The following MAST2 variants were observed in gnomAD, a reference collection of about 807,000 sequenced individuals.
MAST2 encodes microtubule associated serine/threonine kinase 2, also known as microtubule-associated serine/threonine-protein kinase 2.
A neutral mutation model predicts 147.4 loss-of-function variants in MAST2; 70 were observed. The observed-to-expected ratio is 0.47, with a 90% CI of 0.39 to 0.58. MAST2 has a LOEUF of 0.58. Ranked by LOEUF, MAST2 falls within the 20% of genes least tolerant of loss-of-function variation. MAST2 has a pLI of 0.00. For missense variants in MAST2, 2,080 were observed against 2,302.3 expected, an observed-to-expected ratio of 0.90 and a Z score of 1.98; for synonymous variants, 869 against 896.8, an observed-to-expected ratio of 0.97 and a Z score of 0.55.
At chr1:45,997,147 C>T (rs1571134189) in intron 5 of MAST2, among the ~76,000 whole-genome samples, 1 of 152,160 alleles carries the variant, frequency 6.6e-6, no homozygotes, top group African/African-American at 2.4e-5. Context: ...ACAGGGAACA[C>T]GTGAATACTA....
Position 45,803,678 on chromosome 1 carries a change from C to CG in MAST2, c.-217dup, listed in dbSNP as rs1408475462. ...GTGTGCTGGGTGGGAGAAGGCGAGGCGTCAGCGATGCTGTCTCTTCCGTGA... is the reference window on the plus strand; with the variant it reads ...GTGTGCTGGGTGGGAGAAGGCGAGGCGGTCAGCGATGCTGTCTCTTCCGTGA... On this transcript the variant is annotated 5_prime_UTR_variant, in exon 1 of 29. Transcript: ENST00000361297. The CG allele has an allele frequency of 3.1e-6, 1 of 322,522 alleles. No homozygotes were observed. Among genetic ancestry groups the CG allele is most frequent in the African/African-American group, 2.2e-5 (1 of 44,896 alleles). 20.0% of individuals were successfully genotyped at this position (322,522 alleles called of 1,614,324 possible).
chr1:45,835,992 T>C (rs2147865703), intron 3 of MAST2, among the ~76,000 whole-genome samples: 1 of 152,350 alleles, frequency 6.6e-6, no homozygotes, highest in Middle Eastern at 3.4e-3. Flanking sequence ...ACCACACTTT[T>C]ATCCGTTTGT....
chr1:45,853,967 C>T (rs1483066316), intron 3 of MAST2, among the ~76,000 whole-genome samples: 2 of 151,922 alleles, frequency 1.3e-5, no homozygotes, highest in Non-Finnish European at 2.9e-5. Context: ...CATGGATGTC[C>T]AGTTGTTCTA....
At chr1:45,973,564 C>A (rs1372335831) in intron 5 of MAST2, among the ~76,000 whole-genome samples, 1 of 152,134 alleles carries the variant, frequency 6.6e-6, no homozygotes. Context: ...GTTGGACTTT[C>A]ACCATATAAA....
At chr1:45,908,269 A>G (rs1259800567) in intron 4 of MAST2, among the ~76,000 whole-genome samples, 2 of 152,174 alleles carry the variant, frequency 1.3e-5, no homozygotes, top group African/African-American at 2.4e-5. Context: ...ACATAGGTAT[A>G]CACATGCCAT....
chr1:45,853,452 T>G (rs1276318485), intron 3 of MAST2, among the ~76,000 whole-genome samples: 1 of 152,090 alleles, frequency 6.6e-6, no homozygotes, highest in African/African-American at 2.4e-5. Flanking sequence ...CCTCCTGGGT[T>G]CAAGTGATTC....
chr1:45,951,462 GGCCCCA>G (rs1658920815), intron 4 of MAST2, among the ~76,000 whole-genome samples: 2 of 150,700 alleles, frequency 1.3e-5, no homozygotes, highest in Admixed American at 1.3e-4. Flanking sequence ...ATGGGCCTGT[GGCCCCA>G]GCTACCCTGG....
At chr1:45,896,608 G>A (rs1368951297) in intron 4 of MAST2, among the ~76,000 whole-genome samples, 2 of 152,138 alleles carry the variant, frequency 1.3e-5, no homozygotes, top group Non-Finnish European at 2.9e-5. Context: ...AGTCAGAAAG[G>A]TTGGGGAACA....
intron 5 of MAST2, among the ~76,000 whole-genome samples, chr1:45,964,716 C>A (rs1181361195): frequency 1.3e-5 from 2 of 152,146 alleles, no homozygotes; most frequent in Admixed American, 1.3e-4. Flanking sequence ...GTCTCTATCT[C>A]CTTCAGTTCT....
chr1:45,995,088 C>T (rs1645004354), intron 5 of MAST2, among the ~76,000 whole-genome samples: 1 of 152,148 alleles, frequency 6.6e-6, no homozygotes, highest in South Asian at 2.1e-4. Context: ...GATCCGCCCA[C>T]CTCAGCCTCC....
At chr1:45,967,236 A>G (rs1039038348) in intron 5 of MAST2, among the ~76,000 whole-genome samples, 2 of 151,612 alleles carry the variant, frequency 1.3e-5, no homozygotes, top group East Asian at 3.9e-4. Context: ...ACCACACCCA[A>G]CTAATTCTGT....
intron 5 of MAST2, among the ~76,000 whole-genome samples, chr1:45,971,267 G>C (rs1045434356): frequency 1.3e-5 from 2 of 152,194 alleles, no homozygotes; most frequent in African/African-American, 4.8e-5. Context: ...TCAGCAATCA[G>C]GGAATAGCCC....
chr1:45,858,371 G>A (rs1277185675), intron 3 of MAST2, among the ~76,000 whole-genome samples: 2 of 152,096 alleles, frequency 1.3e-5, no homozygotes, highest in East Asian at 3.9e-4. Flanking sequence ...CAGTGATGAT[G>A]AGCATTTTTT....
intron 5 of MAST2, among the ~76,000 whole-genome samples, chr1:45,979,447 T>C (rs1571041332): frequency 7.8e-6 from 1 of 127,426 alleles, no homozygotes; most frequent in Non-Finnish European, 1.7e-5. Context: ...TTTTTTTTTT[T>C]GGTCCCATTG....
At chr1:45,931,188 A>G (rs572165015) in intron 4 of MAST2, among the ~76,000 whole-genome samples, 5 of 152,294 alleles carry the variant, frequency 3.3e-5, no homozygotes, top group South Asian at 2.1e-4. Context: ...TTCGTCTTCT[A>G]TCTCCTTTAA....
Position 46,031,284 on chromosome 1 carries a change from A to G in MAST2, c.2986A>G (p.Ser996Gly). The G allele has an allele frequency of 6.5e-7, 1 of 1,537,354 alleles. No homozygotes were observed. Among genetic ancestry groups the G allele is most frequent in the Non-Finnish European group, 8.8e-7 (1 of 1,138,362 alleles). The stretch of plus-strand genomic sequence containing the variant: ...AGCTGTTGGCCGGAGCAGTGGTTCC[A>G]GTCCAGGTATGGCCCAGTGGGCGGC... ...EEAVGRSSGS[S>G]PAMETRGRGT... Residue 996 changes from serine (S) to glycine (G), a missense_variant, in exon 23 of 29, where the codon AGT becomes GGT. Ser to Gly is a moderately conservative substitution (Grantham distance 56). This residue lies in a region of MAST2 where 1,278 missense variants were observed against 1,304.2 expected (regional missense o/e 0.98). Transcript: ENST00000361297. This position sits in a 1 kb window ranked among gnomAD's most constrained non-coding sequence, Gnocchi z 4.1.
chr1:45,874,841 A>G (rs1474890706), intron 3 of MAST2, among the ~76,000 whole-genome samples: 2 of 152,226 alleles, frequency 1.3e-5, no homozygotes, highest in East Asian at 3.8e-4. Context: ...GAATATTTGG[A>G]TAATATATGG....
chr1:46,014,875 T>C (rs1398160157), intron 10 of MAST2, among the ~76,000 whole-genome samples: 1 of 152,104 alleles, frequency 6.6e-6, no homozygotes, highest in African/African-American at 2.4e-5. Flanking sequence ...AATATACATT[T>C]TTTTCAGCAC....
rs150002370 is a variant in MAST2 at position 46,019,579 on chromosome 1, G to A, written c.1189-17G>A. 254 of 1,608,076 alleles carry A rather than the reference G, an allele frequency of 1.6e-4. 3 individuals carry two copies. The East Asian group carries it at 5.2e-3, about 33-fold the overall frequency. ...ACACTGGGCCAATAGATTAAGCAACGCTTCTTTTCTCTATAGGCTCATGAG... is the reference window on the plus strand; with the variant it reads ...ACACTGGGCCAATAGATTAAGCAACACTTCTTTTCTCTATAGGCTCATGAG... On this transcript the variant is annotated splice_polypyrimidine_tract_variant and intron_variant, in intron 10 of 28. Coordinates refer to ENST00000361297, the MANE Select transcript of MAST2 (RefSeq NM_015112.3).
Sources: allele counts gnomAD v4.1 joint callset (sites outside exome capture counted in the v4.1 genomes callset), GRCh38; gene constraint gnomAD v4.1.1; regional missense constraint gnomAD v4.1.1; non-coding constraint Gnocchi (gnomAD v3.1); transcripts MANE v1.5; gene names NCBI Gene and HGNC (gene_info 2026-07-23, HGNC 2026-07-21).